The following NFASC variants were observed in gnomAD, a reference collection of about 807,000 sequenced individuals.
The protein encoded by NFASC is neurofascin homolog.
A neutral mutation model predicts 147.5 loss-of-function variants in NFASC; 43 were observed. The ratio of observed to expected loss-of-function variants is 0.29; its 90% CI spans 0.23 to 0.38. The LOEUF (loss-of-function observed/expected upper bound fraction) is 0.38, where lower values mean the gene tolerates loss of function less well. Ranked by LOEUF, NFASC falls within the 10% of genes least tolerant of loss-of-function variation. The pLI is 1.00. For missense variants in NFASC, 1,320 were observed against 1,689.0 expected (o/e 0.78, Z 3.83); for synonymous variants, 622 against 665.5 (o/e 0.93, Z 1.01).
chr1:205,009,524 A>G, intron 27 of NFASC, 33 bp from the exon 28 acceptor site: 1 of 1,611,302 alleles, frequency 6.2e-7, no homozygotes, highest in East Asian at 2.2e-5. Flanking sequence ...CCATGAAATC[A>G]TTCACGGGTT....
At chr1:204,874,021 G>A (rs1294711680) in intron 1 of NFASC, among the ~76,000 whole-genome samples, 1 of 152,326 alleles carries the variant, frequency 6.6e-6, no homozygotes, top group Non-Finnish European at 1.5e-5. Flanking sequence ...TTCATCATCT[G>A]TCAAGTGTGA....
chr1:204,919,882 G>A (rs2090102250), intron 1 of NFASC, among the ~76,000 whole-genome samples: 1 of 152,218 alleles, frequency 6.6e-6, no homozygotes, highest in African/African-American at 2.4e-5. Context: ...GCCTCCCAAA[G>A]TGCTGGGATT....
rs1012269840 is a variant in NFASC, at chr1:205,019,970, C to G, written c.*3431C>G. 6.6e-6 allele frequency: 1 copy of G among 152,232 alleles called. No individual in the cohort carries two copies. The highest frequency in any genetic ancestry group is 2.4e-5 in the African/African-American group (1 of 41,436). 9.4% of individuals were successfully genotyped at this position (152,232 alleles called of 1,614,324 possible). A position where few individuals can be genotyped will look rare whatever the true frequency, so the allele number is the denominator to read the frequency against. The stretch of plus-strand genomic sequence containing the variant: ...GCCATCGGTCAGGGGACAGCTGCCT[C>G]CCACCTTGCCTGGGTGATGGTGAAT... On this transcript the variant is annotated 3_prime_UTR_variant, in exon 30 of 30. Transcript: ENST00000339876.
chr1:204,942,997 G>C (rs779884295), intron 2 of NFASC, among the ~76,000 whole-genome samples: 2 of 152,206 alleles, frequency 1.3e-5, no homozygotes, highest in Non-Finnish European at 2.9e-5. Flanking sequence ...CTGGAGTCCT[G>C]TTCTTATCTT....
At chr1:204,873,601 G>A (rs1572285472) in intron 1 of NFASC, among the ~76,000 whole-genome samples, 1 of 152,170 alleles carries the variant, frequency 6.6e-6, no homozygotes, top group Non-Finnish European at 1.5e-5. Context: ...GACAGATCCC[G>A]GGGAAGGCTT....
At chr1:204,831,143 A>G (rs1286425290) in intron 1 of NFASC, among the ~76,000 whole-genome samples, 2 of 152,100 alleles carry the variant, frequency 1.3e-5, no homozygotes, top group Non-Finnish European at 2.9e-5. Context: ...GAAATGCTTG[A>G]CTGGAGCTCA....
chr1:204,999,613 A>G (rs1227238369), intron 25 of NFASC: 1 of 152,058 alleles, frequency 6.6e-6, no homozygotes, highest in Non-Finnish European at 1.5e-5. Flanking sequence ...AAAGAAGCCT[A>G]CCTTCTCCCC....
chr1:204,933,664 C>CT (rs2092567213), intron 2 of NFASC, among the ~76,000 whole-genome samples: 1 of 151,266 alleles, frequency 6.6e-6, no homozygotes, highest in African/African-American at 2.4e-5. Context: ...AAAATAAAGA[C>CT]TGAGAACACT....
chr1:204,913,643 A>G (rs556749790), intron 1 of NFASC, among the ~76,000 whole-genome samples: 1 of 152,272 alleles, frequency 6.6e-6, no homozygotes, highest in African/African-American at 2.4e-5. Context: ...CATGATTTCA[A>G]AGTAAGTTCT....
At chr1:204,996,738 A>G (rs541635052) in intron 24 of NFASC, among the ~76,000 whole-genome samples, 1 of 152,128 alleles carries the variant, frequency 6.6e-6, no homozygotes, top group East Asian at 1.9e-4. Context: ...ACAGGGCCCC[A>G]CCGCCTGCCC....
intron 2 of NFASC, among the ~76,000 whole-genome samples, chr1:204,936,540 C>A (rs1305477119): frequency 3.9e-5 from 6 of 152,104 alleles, no homozygotes; most frequent in Admixed American, 3.9e-4. Context: ...CTGTCCTCAC[C>A]CCTCTGGGTA....
In NFASC at chr1:204,953,700, G is replaced by A. The variant is rs150751852; in HGVS notation, c.216-488G>A. 3.5e-3 allele frequency among the ~76,000 whole-genome samples: 537 copies of A among 152,300 alleles called. 7 individuals carry two copies. The highest frequency in any genetic ancestry group is 0.012 in the African/African-American group (503 of 41,570). ...AGCCGTTTCACTTTGGCTTTAAAAT[G>A]GATTGTAAAATTAAGGTGGCAGGAG... is the stretch of plus-strand genomic sequence containing the variant. On this transcript the variant is annotated intron_variant, in intron 5 of 29. Transcript: ENST00000339876.
rs1206173635 is a variant in NFASC at position 204,988,818 on chromosome 1, G to A, written c.2767+12G>A. 1 of 1,613,268 alleles carries A rather than the reference G, an allele frequency of 6.2e-7. No homozygotes were observed. Among genetic ancestry groups the A allele is most frequent in the Non-Finnish European group, 8.5e-7 (1 of 1,179,424 alleles). On this transcript the variant is annotated intron_variant, in intron 23 of 29. Coordinates refer to ENST00000339876, the MANE Select transcript of NFASC (RefSeq NM_001005388.3). ...ACCCCCGAATGAAGGTAGGTGCATGGCAGCAGCCCCTGGGGTAAAAGGTCC... is the reference window on the plus strand; with the variant it reads ...ACCCCCGAATGAAGGTAGGTGCATGACAGCAGCCCCTGGGGTAAAAGGTCC...
chr1:204,886,563 G>A (rs1163647683), intron 1 of NFASC, among the ~76,000 whole-genome samples: 1 of 152,102 alleles, frequency 6.6e-6, no homozygotes, highest in Non-Finnish European at 1.5e-5. Context: ...TTCCTGATTC[G>A]GGAAGTCTGG....
chr1:204,990,482 G>A (rs2095702560), intron 23 of NFASC: 1 of 150,248 alleles, frequency 6.7e-6, no homozygotes, highest in African/African-American at 2.5e-5. Flanking sequence ...CAGCCCCAGG[G>A]GACAAAAGGA....
rs1410139822 is a variant in NFASC, at chr1:204,979,362, A to T, written c.1979A>T (p.Asp660Val). 1 of 1,613,678 alleles carries T rather than the reference A, an allele frequency of 6.2e-7. No individual in the cohort carries two copies. The highest frequency in any genetic ancestry group is 1.1e-5 in the South Asian group (1 of 91,078). Residue 660 changes from aspartate to valine, a missense_variant and splice_region_variant, in exon 19 of 30, where the codon GAC becomes GTC. By Grantham distance (152) the Asp-to-Val change is radical. Transcript: ENST00000339876. The surrounding 1 kb of genome is among the most constrained non-coding windows in gnomAD (Gnocchi z 6.0). ...AGCTCTGTTTTCCTTGCCCACTCAG[A>T]CTACGTCGTCCAGTTTGAAGAAGAC... is the stretch of plus-strand genomic sequence containing the variant. ...PGDANNSPIT[D>V]YVVQFEEDQF...
At chr1:204,937,745 C>A (rs946093234) in intron 2 of NFASC, among the ~76,000 whole-genome samples, 2 of 152,230 alleles carry the variant, frequency 1.3e-5, no homozygotes, top group Non-Finnish European at 2.9e-5. Context: ...ATCAACAAAG[C>A]TGTTAAACAT....
chr1:204,969,804 G>C (rs191466624), intron 10 of NFASC, among the ~76,000 whole-genome samples: 1 of 152,158 alleles, frequency 6.6e-6, no homozygotes, highest in Admixed American at 6.5e-5. Context: ...CTAGCTGGGC[G>C]TGGTGGCTCA....
intron 3 of NFASC, among the ~76,000 whole-genome samples, chr1:204,949,703 CA>C (rs2093986618): frequency 6.6e-6 from 1 of 152,208 alleles, no homozygotes; most frequent in African/African-American, 2.4e-5. Flanking sequence ...TCCCAGGCCC[CA>C]CCCCAGCCCA....
Sources: gnomAD v4.1 joint callset for allele counts (sites outside exome capture counted in the v4.1 genomes callset) on GRCh38, gnomAD v4.1.1 for gene constraint, Gnocchi (gnomAD v3.1) non-coding constraint, MANE v1.5 for transcripts, NCBI Gene and HGNC (gene_info 2026-07-23, HGNC 2026-07-21) for gene names.